Variants in BPTF observed in about 807,000 individuals in gnomAD.
BPTF encodes nucleosome-remodeling factor subunit BPTF.
A neutral mutation model predicts 292.5 loss-of-function variants in BPTF; 18 were observed. That is an observed-to-expected ratio of 0.06 (90% CI 0.04 to 0.09). The LOEUF is 0.09. Ranked by LOEUF, BPTF falls within the 10% of genes least tolerant of loss-of-function variation. The probability of loss-of-function intolerance (pLI) is 1.00; values close to 1 mark genes in which losing one functional copy is unlikely to be tolerated. For synonymous variants in BPTF, 1,225 were observed against 1,251.9 expected (o/e 0.98, Z 0.45); for missense variants, 2,726 against 3,498.7 (o/e 0.78, Z 5.57).
intron 12 of BPTF, among the ~76,000 whole-genome samples, chr17:67,919,563 A>G (rs2063299929): frequency 1.3e-5 from 2 of 152,098 alleles, no homozygotes; most frequent in Admixed American, 6.6e-5. Flanking sequence ...TTTTTCACAT[A>G]CAGCTTTGTT....
chr17:67,915,144 G>C (rs1275592059), intron 11 of BPTF, among the ~76,000 whole-genome samples: 5 of 152,112 alleles, frequency 3.3e-5, no homozygotes, highest in Admixed American at 6.6e-5. Context: ...TAATGTTAAG[G>C]CTGAGCAATA....
At chr17:67,869,862 C>T (rs1206476670) in intron 3 of BPTF, among the ~76,000 whole-genome samples, 6 of 147,556 alleles carry the variant, frequency 4.1e-5, no homozygotes, top group African/African-American at 7.5e-5. Context: ...ATTAGCCAGG[C>T]GTGGTGGCAG....
intron 3 of BPTF, among the ~76,000 whole-genome samples, chr17:67,874,320 A>C (rs904659546): frequency 2.6e-5 from 4 of 152,156 alleles, no homozygotes; most frequent in Non-Finnish European, 5.9e-5. Context: ...GTTGTTTCCA[A>C]AAGGGCCTCT....
intron 9 of BPTF, among the ~76,000 whole-genome samples, chr17:67,908,639 G>T (rs762746083): frequency 6.8e-6 from 1 of 146,870 alleles, no homozygotes; most frequent in Non-Finnish European, 1.5e-5. Context: ...ACAGTTGCAC[G>T]CCACCATGCC....
chr17:67,882,220 C>G (rs866615849), intron 4 of BPTF, among the ~76,000 whole-genome samples: 1 of 151,786 alleles, frequency 6.6e-6, no homozygotes, highest in Non-Finnish European at 1.5e-5. Flanking sequence ...TTTTTTCCTC[C>G]AAGAAGTCCT....
chr17:67,959,521 T>A lies in BPTF; in HGVS notation c.7927-20T>A. Reference sequence around the variant, plus strand: ...ACATGACTCTAATGATAGTCTTGTATTGTCTTTAATTGATAACAGGAAGAG... The same window carrying A: ...ACATGACTCTAATGATAGTCTTGTAATGTCTTTAATTGATAACAGGAAGAG... On this transcript the variant is annotated intron_variant, in intron 23 of 27. Transcript: ENST00000306378. 1 of 1,502,224 alleles carries A rather than the reference T, an allele frequency of 6.7e-7. No individual in the cohort carries two copies. The highest frequency in any genetic ancestry group is 8.9e-7 in the Non-Finnish European group (1 of 1,125,870). The allele number at this position is 1,502,224 out of a possible 1,614,324, so 93.1% of individuals were successfully genotyped here.
intron 6 of BPTF, 74 bp from the exon 7 acceptor site, chr17:67,893,960 A>C: frequency 6.4e-7 from 1 of 1,557,032 alleles, no homozygotes; most frequent in East Asian, 2.3e-5. Flanking sequence ...ATGGAGGCCA[A>C]AGTTACAACT....
chr17:67,869,827 C>CAAAAAAAAAAAAAA (rs772941425), intron 3 of BPTF, among the ~76,000 whole-genome samples: 1 of 56,442 alleles, frequency 1.8e-5, no homozygotes, highest in Non-Finnish European at 3.5e-5. Context: ...ACTAAAAATA[C>CAAAAAAAAAAAAAA]AAAAAAAAAA....
At chr17:67,924,419 G>C in intron 14 of BPTF, 128 bp from the exon 15 acceptor site, 1 of 1,012,618 alleles carries the variant, frequency 9.9e-7, no homozygotes. Flanking sequence ...ACAACCAAAT[G>C]TTTTATTTTT....
intron 5 of BPTF, among the ~76,000 whole-genome samples, 168 bp downstream of exon 5, chr17:67,892,202 C>T (rs908986743): frequency 6.6e-6 from 1 of 152,176 alleles, no homozygotes; most frequent in African/African-American, 2.4e-5. Flanking sequence ...AAGTATTAGG[C>T]TTTATAAGCA....
intron 4 of BPTF, chr17:67,875,796 T>C: frequency 2.2e-6 from 3 of 1,362,700 alleles, no homozygotes; most frequent in South Asian, 4.0e-5. Flanking sequence ...TCCTTCCCTT[T>C]TGTAGTAAAA....
chr17:67,981,514 G>A (rs2070357449), intron 27 of BPTF: 8 of 1,140,858 alleles, frequency 7.0e-6, no homozygotes, highest in Non-Finnish European at 7.6e-6. Flanking sequence ...ATTGTACCTC[G>A]TGATTACCTA....
rs747744057 is a variant in BPTF, at chr17:67,912,932, C to T, written c.5048C>T (p.Ser1683Phe). The stretch of plus-strand genomic sequence containing the variant: ...TCTATGACTGTGAGCAAAGAGTATT[C>T]CACACGAGACAAAGTGAAACTGATG... Reference protein sequence around the residue: ...VTSMTVSKEYSTRDKVKLMKF... With the variant: ...VTSMTVSKEYFTRDKVKLMKF... The change falls in exon 11 of 28, where the codon TCC becomes TTC. Residue 1683 changes from serine to phenylalanine, a missense_variant. Around this residue, in one of 22 missense-constraint regions of BPTF, gnomAD observed 144 missense variants for 177.2 expected, o/e 0.81. Transcript: ENST00000306378. The T allele has an allele frequency of 6.2e-7, 1 of 1,614,026 alleles. No individual in the cohort carries two copies. Among genetic ancestry groups the T allele is most frequent in the Non-Finnish European group, 8.5e-7 (1 of 1,180,032 alleles).
chr17:67,895,301 C>G lies in BPTF; in HGVS notation c.2543+1136C>G, dbSNP rs181480984. On this transcript the variant is annotated intron_variant, in intron 7 of 27. Coordinates refer to ENST00000306378, the MANE Select transcript of BPTF (RefSeq NM_182641.4). ...TGAACCGAGATTGCACCACTGCACT[C>G]CAGCCTGGGTGACAGAGCAAGACTT... Among the ~76,000 whole-genome samples, 43 of 139,206 alleles carry G rather than the reference C, an allele frequency of 3.1e-4. 2 individuals carry two copies. In the East Asian group the frequency reaches 5.1e-3, roughly 17 times the overall value. 91.3% of individuals were successfully genotyped at this position (139,206 alleles called of 152,430 possible). A position where few individuals can be genotyped will look rare whatever the true frequency, so the allele number is the denominator to read the frequency against.
intron 14 of BPTF, among the ~76,000 whole-genome samples, chr17:67,923,472 T>A (rs1361150128): frequency 5.8e-5 from 2 of 34,556 alleles, no homozygotes; most frequent in Admixed American, 6.0e-4. Context: ...TCTCTCTGTC[T>A]TTTTTTTTTT....
At chr17:67,946,831 A>G (rs1555675744) in intron 21 of BPTF, among the ~76,000 whole-genome samples, 1 of 152,268 alleles carries the variant, frequency 6.6e-6, no homozygotes, top group East Asian at 1.9e-4. Flanking sequence ...ACATCTTGCA[A>G]TGGCACATTA....
At chr17:67,827,948 T>TTC (rs1015511431) in intron 1 of BPTF, among the ~76,000 whole-genome samples, 2 of 149,942 alleles carry the variant, frequency 1.3e-5, no homozygotes, top group African/African-American at 5.0e-5. Context: ...TTTTTTTTTT[T>TTC]TGAGAGGGAG....
intron 4 of BPTF, among the ~76,000 whole-genome samples, chr17:67,890,338 T>G (rs2061028040): frequency 6.6e-6 from 1 of 152,356 alleles, no homozygotes; most frequent in East Asian, 1.9e-4. Context: ...CATATTTTTC[T>G]GTTTATTTCT....
At position 67,826,314 on chromosome 17, in the gene BPTF, A is replaced by G; in HGVS notation, c.590A>G (p.His197Arg). ...SYCTESSFRSHSTYSSTPGRR... is the reference protein window; with the variant it reads ...SYCTESSFRSRSTYSSTPGRR... The stretch of plus-strand genomic sequence containing the variant: ...TGCACGGAAAGCAGCTTCAGGAGCC[A>G]TAGTACCTACAGCAGCACTCCAGGT... Residue 197 changes from histidine (H) to arginine (R), a missense_variant, in exon 1 of 28, where the codon CAT (histidine) becomes CGT (arginine). Physicochemically the swap from His to Arg is conservative, Grantham distance 29. Transcript: ENST00000306378. 6.2e-7 allele frequency: 1 copy of G among 1,612,136 alleles called. No individual in the cohort carries two copies. Among genetic ancestry groups the G allele is most frequent in the Non-Finnish European group, 8.5e-7 (1 of 1,179,624 alleles).
Sources: allele counts gnomAD v4.1 joint callset (sites outside exome capture counted in the v4.1 genomes callset), GRCh38; gene constraint gnomAD v4.1.1; regional missense constraint gnomAD v4.1.1; transcripts MANE v1.5; gene names NCBI Gene and HGNC (gene_info 2026-07-23, HGNC 2026-07-21).